The following UST variants were observed in gnomAD, a reference collection of about 807,000 sequenced individuals.
UST encodes the protein chondroitin sulfate 2-O-sulfotransferase.
UST carries 21 observed loss-of-function variants against 45.6 expected under a neutral mutation model. That is an observed-to-expected ratio of 0.46 (90% CI 0.33 to 0.66). The LOEUF (loss-of-function observed/expected upper bound fraction) is 0.66, where lower values mean the gene tolerates loss of function less well. Among genes scored for constraint, UST ranks in the 30% least tolerant of loss-of-function variants. The pLI, the probability that UST is intolerant of heterozygous loss-of-function variation, is 0.02. For missense variants in UST, 463 were observed against 512.4 expected (o/e 0.90, Z 0.93); for synonymous variants, 215 against 200.6 (o/e 1.07, Z -0.61).
At chr6:148,821,174 T>C (rs1777458392) in intron 1 of UST, among the ~76,000 whole-genome samples, 1 of 151,718 alleles carries the variant, frequency 6.6e-6, no homozygotes, top group African/African-American at 2.4e-5. Context: ...TTTTGCCATG[T>C]TGGATAGGCT....
chr6:149,061,649 G>A (rs577861849), intron 7 of UST, among the ~76,000 whole-genome samples: 42 of 152,336 alleles, frequency 2.8e-4, no homozygotes, highest in African/African-American at 9.6e-4. Context: ...GGGTGTGCCT[G>A]GTGCCGGGCA....
At chr6:148,984,604 A>G (rs1781205205) in intron 5 of UST, among the ~76,000 whole-genome samples, 1 of 152,192 alleles carries the variant, frequency 6.6e-6, no homozygotes, top group Non-Finnish European at 1.5e-5. Flanking sequence ...GCACAATCAT[A>G]GCTCACTGCA....
In UST at chr6:149,006,404, T is replaced by C. The variant is rs568280146; in HGVS notation, c.682-12735T>C. 7.2e-5 allele frequency among the ~76,000 whole-genome samples: 11 copies of C among 152,338 alleles called. No individual in the cohort carries two copies. The South Asian group carries it at 1.7e-3, about 23-fold the overall frequency. On this transcript the variant is annotated intron_variant, in intron 5 of 7. Transcript: ENST00000367463. ...GGATAGTGGCTTCCAGCTTTATCCA[T>C]GTCCCTGCAAAGGACATGATCTTGT...
chr6:149,037,636 C>CA (rs1361366510), intron 7 of UST, among the ~76,000 whole-genome samples: 1 of 152,246 alleles, frequency 6.6e-6, no homozygotes, highest in Non-Finnish European at 1.5e-5. Flanking sequence ...CACCGCGACT[C>CA]AAAGTGTGGT....
intron 5 of UST, among the ~76,000 whole-genome samples, chr6:148,999,757 C>G (rs1287190671): frequency 7.2e-6 from 1 of 139,336 alleles, no homozygotes; most frequent in Admixed American, 7.0e-5. Flanking sequence ...AAGTTTCACT[C>G]CTTACATCCC....
intron 1 of UST, among the ~76,000 whole-genome samples, chr6:148,799,421 C>A (rs982953097): frequency 6.6e-6 from 1 of 152,018 alleles, no homozygotes; most frequent in Non-Finnish European, 1.5e-5. Context: ...AGGTTTTTGG[C>A]CCAAAGTGGT....
At chr6:149,009,209 G>T (rs1386278976) in intron 5 of UST, among the ~76,000 whole-genome samples, 2 of 152,142 alleles carry the variant, frequency 1.3e-5, no homozygotes, top group South Asian at 2.1e-4. Context: ...AAATATGATT[G>T]TCATGATCAA....
chr6:148,907,267 T>G (rs1582890349), intron 2 of UST, among the ~76,000 whole-genome samples: 2 of 152,236 alleles, frequency 1.3e-5, no homozygotes, highest in East Asian at 3.8e-4. Flanking sequence ...TGAAAAGTAC[T>G]GCATTTAAGA....
chr6:148,855,377 C>G (rs1415097200), intron 1 of UST, among the ~76,000 whole-genome samples: 1 of 152,172 alleles, frequency 6.6e-6, no homozygotes, highest in Non-Finnish European at 1.5e-5. Flanking sequence ...CCCTTTCTCA[C>G]CAGGGGAGGA....
chr6:149,011,449 T>A (rs1582958472), intron 5 of UST, among the ~76,000 whole-genome samples: 1 of 152,206 alleles, frequency 6.6e-6, no homozygotes, highest in South Asian at 2.1e-4. Flanking sequence ...TTGTCCATTT[T>A]AAAATAATTA....
intron 1 of UST, among the ~76,000 whole-genome samples, chr6:148,863,784 G>C (rs186516966): frequency 1.3e-5 from 2 of 152,324 alleles, no homozygotes; most frequent in Admixed American, 1.3e-4. Context: ...GACCCTGTTT[G>C]CCTGGGTATC....
intron 1 of UST, among the ~76,000 whole-genome samples, chr6:148,771,598 G>A (rs946019940): frequency 1.3e-5 from 2 of 152,184 alleles, no homozygotes; most frequent in Non-Finnish European, 2.9e-5. Flanking sequence ...GTGGGTAGGT[G>A]GATAGTCCTT....
chr6:149,007,115 C>CTTTTT (rs35867213), intron 5 of UST, among the ~76,000 whole-genome samples: 3 of 77,646 alleles, frequency 3.9e-5, no homozygotes, highest in Admixed American at 1.6e-4. Flanking sequence ...TCCAGGCAAG[C>CTTTTT]TTTTTTTTTT....
chr6:149,015,753 C>T (rs1775887521), intron 5 of UST, among the ~76,000 whole-genome samples: 1 of 152,084 alleles, frequency 6.6e-6, no homozygotes, highest in African/African-American at 2.4e-5. Context: ...TAAAACAATG[C>T]AGGATAATAA....
chr6:148,945,137 C>T (rs9390641), intron 3 of UST, among the ~76,000 whole-genome samples: 19,046 of 152,210 alleles, frequency 0.13, 1,399 homozygotes, highest in African/African-American at 0.18. Flanking sequence ...CTGAGGATTA[C>T]GTGTTGGATA....
chr6:148,944,840 C>T (rs1780203338), intron 3 of UST, among the ~76,000 whole-genome samples: 1 of 152,120 alleles, frequency 6.6e-6, no homozygotes, highest in East Asian at 1.9e-4. Flanking sequence ...CTTAAGCTGG[C>T]TTAAATTATC....
chr6:148,970,154 G>C (rs1210515144), intron 5 of UST, among the ~76,000 whole-genome samples: 1 of 152,198 alleles, frequency 6.6e-6, no homozygotes, highest in Non-Finnish European at 1.5e-5. Flanking sequence ...ACTTCTGGGG[G>C]TTAGCAAGAC....
chr6:148,893,944 G>A (rs1380244909), intron 2 of UST, among the ~76,000 whole-genome samples: 1 of 152,112 alleles, frequency 6.6e-6, no homozygotes, highest in Non-Finnish European at 1.5e-5. Flanking sequence ...CTTGAGCCCA[G>A]AGAGTTGGAG....
intron 5 of UST, among the ~76,000 whole-genome samples, chr6:149,004,551 C>G (rs1781609890): frequency 6.6e-6 from 1 of 152,192 alleles, no homozygotes; most frequent in Non-Finnish European, 1.5e-5. Context: ...CATAAAAGTT[C>G]ACGCTAATAA....
Sources: gnomAD v4.1 joint callset for allele counts (sites outside exome capture counted in the v4.1 genomes callset) on GRCh38, gnomAD v4.1.1 for gene constraint, MANE v1.5 for transcripts, NCBI Gene and HGNC (gene_info 2026-07-23, HGNC 2026-07-21) for gene names.